The following BNC2 variants were observed in gnomAD, a reference collection of about 807,000 sequenced individuals.
The protein encoded by BNC2 is basonuclin zinc finger protein 2, also known as zinc finger protein basonuclin-2.
In BNC2, 20 loss-of-function variants were observed where a neutral mutation model predicts 76.3. That is an observed-to-expected ratio of 0.26 (90% CI 0.18 to 0.38). The LOEUF (loss-of-function observed/expected upper bound fraction) is 0.38. BNC2 is among the 10% of genes least tolerant of loss of function. The pLI, the probability that BNC2 is intolerant of heterozygous loss-of-function variation, is 1.00. For synonymous variants in BNC2, 582 were observed against 514.8 expected, an observed-to-expected ratio of 1.13 and a Z score of -1.77; for missense variants, 1,382 against 1,399.8, an observed-to-expected ratio of 0.99 and a Z score of 0.20.
intron 1 of BNC2, among the ~76,000 whole-genome samples, chr9:16,787,620 T>A (rs180901788): frequency 6.6e-6 from 1 of 152,332 alleles, no homozygotes; most frequent in East Asian, 1.9e-4. Flanking sequence ...CCGGTACCTT[T>A]TGAGTGTATT....
chr9:16,737,363 G>A (rs2135115017), intron 2 of BNC2, among the ~76,000 whole-genome samples: 1 of 146,060 alleles, frequency 6.8e-6, no homozygotes, highest in South Asian at 2.2e-4. Context: ...CCATTCTCCT[G>A]CCTCAGCCTC....
At chr9:16,838,466 C>T (rs1215101132) in intron 1 of BNC2, among the ~76,000 whole-genome samples, 2 of 152,100 alleles carry the variant, frequency 1.3e-5, no homozygotes, top group Non-Finnish European at 2.9e-5. Context: ...GAGGCTGAGG[C>T]AGGAGAATCG....
Position 16,827,791 on chromosome 9 carries a change from T to G in BNC2, c.3+42855A>C, listed in dbSNP as rs77737639. ...TACATTTTTCAAGACTGAATTACAG[T>G]ACAGGAATACAAAAACAAAAAAGAA... On this transcript the variant is annotated intron_variant, in intron 1 of 6. Transcript: ENST00000380672. Among the ~76,000 whole-genome samples the G allele has an allele frequency of 5.1e-3, 783 of 152,212 alleles. 5 individuals carry two copies. The highest frequency in any genetic ancestry group is 0.017 in the African/African-American group (707 of 41,528).
chr9:16,502,092 G>C (rs1191776231), intron 5 of BNC2, among the ~76,000 whole-genome samples: 1 of 152,158 alleles, frequency 6.6e-6, no homozygotes, highest in Non-Finnish European at 1.5e-5. Flanking sequence ...TGGGGGTCTA[G>C]TGGTTTATGC....
intron 1 of BNC2, among the ~76,000 whole-genome samples, chr9:16,804,661 G>A (rs1386899967): frequency 6.6e-6 from 1 of 152,208 alleles, no homozygotes; most frequent in Non-Finnish European, 1.5e-5. Context: ...GATACGCACA[G>A]AATGAACAGC....
intron 1 of BNC2, among the ~76,000 whole-genome samples, chr9:16,816,619 A>G (rs975204140): frequency 3.3e-5 from 5 of 152,248 alleles, no homozygotes; most frequent in African/African-American, 1.2e-4. Flanking sequence ...AAGCAATTAG[A>G]AATATAATCT....
At chr9:16,551,509 A>G (rs892380143) in intron 5 of BNC2, among the ~76,000 whole-genome samples, 1 of 152,250 alleles carries the variant, frequency 6.6e-6, no homozygotes, top group Non-Finnish European at 1.5e-5. Flanking sequence ...GTCTAGCACT[A>G]TACAAGGCTG....
At chr9:16,467,755 C>T (rs1323900491) in intron 5 of BNC2, among the ~76,000 whole-genome samples, 7 of 141,968 alleles carry the variant, frequency 4.9e-5, no homozygotes, top group Admixed American at 2.9e-4. Context: ...GTGGGTGCAG[C>T]GCACCAGCAT....
intron 4 of BNC2, among the ~76,000 whole-genome samples, chr9:16,578,265 TTTG>T (rs1228581329): frequency 1.3e-5 from 2 of 152,224 alleles, no homozygotes; most frequent in African/African-American, 4.8e-5. Flanking sequence ...TAGAATTCAG[TTTG>T]TTTTCTTTCT....
chr9:16,844,758 G>C (rs1279731260), intron 1 of BNC2, among the ~76,000 whole-genome samples: 3 of 152,070 alleles, frequency 2.0e-5, no homozygotes, highest in Admixed American at 6.6e-5. Context: ...CTTGGCCAAA[G>C]TGCTGGGATT....
chr9:16,431,666 G>C (rs1820910433), intron 6 of BNC2, among the ~76,000 whole-genome samples: 1 of 152,198 alleles, frequency 6.6e-6, no homozygotes, highest in African/African-American at 2.4e-5. Context: ...GACTTCAGCA[G>C]TCACCTTAGA....
intron 1 of BNC2, among the ~76,000 whole-genome samples, chr9:16,761,638 T>C (rs569764048): frequency 1.3e-5 from 2 of 152,348 alleles, no homozygotes; most frequent in South Asian, 2.1e-4. Context: ...TTCAGGATTC[T>C]AGTTATGGAA....
chr9:16,738,514 A>C (rs773222586), intron 1 of BNC2, 29 bp from the exon 2 acceptor site: 2 of 1,612,528 alleles, frequency 1.2e-6, no homozygotes, highest in South Asian at 2.2e-5. Flanking sequence ...AGGAAATTAC[A>C]TATGCCCAGA....
At chr9:16,869,610 G>A (rs1034625124) in intron 1 of BNC2, among the ~76,000 whole-genome samples, 3 of 152,136 alleles carry the variant, frequency 2.0e-5, no homozygotes, top group Non-Finnish European at 2.9e-5. Flanking sequence ...TCCCCAAGTG[G>A]GGGTAACAAT....
chr9:16,481,218 C>T (rs1440585835), intron 5 of BNC2, among the ~76,000 whole-genome samples: 1 of 152,072 alleles, frequency 6.6e-6, no homozygotes, highest in Non-Finnish European at 1.5e-5. Context: ...AATCAGCGCC[C>T]TGTCAAAACA....
chr9:16,555,107 C>T (rs1233371716), intron 4 of BNC2, among the ~76,000 whole-genome samples: 5 of 151,974 alleles, frequency 3.3e-5, no homozygotes, highest in Admixed American at 1.3e-4. Context: ...GCAAGCTCCG[C>T]CTCCCAGTTT....
Position 16,823,576 on chromosome 9 carries a change from C to T in BNC2, c.3+47070G>A, listed in dbSNP as rs1033176884. On this transcript the variant is annotated intron_variant, in intron 1 of 6. Transcript: ENST00000380672. The stretch of plus-strand genomic sequence containing the variant: ...TGAGATCACACCACTGCACTCTAGC[C>T]TGGGCAACAGAGTGAGATCCTGTTT... Among the ~76,000 whole-genome samples the T allele has an allele frequency of 1.4e-4, 21 of 151,330 alleles. No homozygotes were observed. In the East Asian group the frequency reaches 3.5e-3, roughly 25 times the overall value.
chr9:16,809,361 AT>A (rs774968830), intron 1 of BNC2, among the ~76,000 whole-genome samples: 10 of 151,804 alleles, frequency 6.6e-5, no homozygotes, highest in Non-Finnish European at 1.5e-4. Context: ...ATTTTTTTTT[AT>A]GGAAAAAAAA....
chr9:16,736,994 CAG>C (rs1383256018), intron 2 of BNC2, among the ~76,000 whole-genome samples: 2 of 151,276 alleles, frequency 1.3e-5, no homozygotes, highest in East Asian at 4.0e-4. Context: ...TTAGTAGAGA[CAG>C]GGTTTCTCCA....
Sources: gnomAD v4.1 joint callset for allele counts (sites outside exome capture counted in the v4.1 genomes callset) on GRCh38, gnomAD v4.1.1 for gene constraint, MANE v1.5 for transcripts, NCBI Gene and HGNC (gene_info 2026-07-23, HGNC 2026-07-21) for gene names.